PARN: variants seen among roughly 807,000 people sequenced by gnomAD.
PARN encodes poly(A)-specific ribonuclease.
A neutral mutation model predicts 102.8 loss-of-function variants in PARN; 71 were observed. The observed-to-expected ratio is 0.69, with a 90% CI of 0.57 to 0.84. The LOEUF is 0.84. PARN is among the 40% of genes least tolerant of loss of function. The pLI, the probability that PARN is intolerant of heterozygous loss-of-function variation, is 0.00. For synonymous variants in PARN, 261 were observed against 252.9 expected (o/e 1.03, Z -0.30); for missense variants, 782 against 760.9 (o/e 1.03, Z -0.33).
At chr16:14,569,807 A>G (rs1489332211) in intron 18 of PARN, among the ~76,000 whole-genome samples, 1 of 152,300 alleles carries the variant, frequency 6.6e-6, no homozygotes, top group East Asian at 1.9e-4. Context: ...TGCTGGTTAC[A>G]GAGTTTCTGT....
At chr16:14,603,900 C>G (rs1971023626) in intron 11 of PARN, among the ~76,000 whole-genome samples, 1 of 152,222 alleles carries the variant, frequency 6.6e-6, no homozygotes, top group Non-Finnish European at 1.5e-5. Flanking sequence ...ATCAAGAGTA[C>G]TTTCTTCAGG....
At chr16:14,533,162 A>G (rs1966443944) in intron 21 of PARN, among the ~76,000 whole-genome samples, 1 of 152,074 alleles carries the variant, frequency 6.6e-6, no homozygotes. Context: ...CCGGCACCTC[A>G]GGAGGCCGAG....
chr16:14,542,565 A>AAT (rs1966848177), intron 21 of PARN, among the ~76,000 whole-genome samples: 1 of 140,638 alleles, frequency 7.1e-6, no homozygotes, highest in Non-Finnish European at 1.6e-5. Context: ...ACTCAAAAAA[A>AAT]TTAAAAAAAA....
intron 18 of PARN, among the ~76,000 whole-genome samples, chr16:14,579,574 AAAT>A (rs1228746532): frequency 1.3e-5 from 2 of 152,218 alleles, no homozygotes; most frequent in African/African-American, 2.4e-5. Flanking sequence ...TGACTCAAAA[AAAT>A]AATAATAATA....
chr16:14,506,966 GA>G (rs34337638), intron 21 of PARN, among the ~76,000 whole-genome samples: 34,402 of 152,180 alleles, frequency 0.23, 4,067 homozygotes, highest in Middle Eastern at 0.28. Context: ...GAATGGTTTT[GA>G]AAAAGACTTA....
intron 18 of PARN, among the ~76,000 whole-genome samples, chr16:14,577,117 A>G (rs558911941): frequency 6.6e-6 from 1 of 152,386 alleles, no homozygotes; most frequent in Non-Finnish European, 1.5e-5. Context: ...TGGGCAGTTT[A>G]ATGTCCACCC....
At chr16:14,571,283 G>A (rs368888471) in intron 18 of PARN, among the ~76,000 whole-genome samples, 11 of 151,530 alleles carry the variant, frequency 7.3e-5, no homozygotes, top group South Asian at 2.1e-4. Flanking sequence ...ATCAGGAGGC[G>A]GAGGCAGAGA....
chr16:14,607,408 A>ATGT (rs1386464494), intron 9 of PARN, among the ~76,000 whole-genome samples: 1 of 151,800 alleles, frequency 6.6e-6, no homozygotes, highest in Non-Finnish European at 1.5e-5. Context: ...GGGTTTCACC[A>ATGT]TGTTGGCCAG....
rs1419925361 is a variant in PARN at position 14,629,375 on chromosome 16, CTCTA to C, written c.97+218_97+221del. Among the ~76,000 whole-genome samples the C allele has an allele frequency of 3.3e-5, 5 of 152,348 alleles. No homozygotes were observed. In the East Asian group the frequency reaches 5.8e-4, roughly 18 times the overall value. The stretch of plus-strand genomic sequence containing the variant: ...TTTTAAGCAGCATCAAAACCATCAT[CTCTA>C]TCTGAGATCCTGAGTCCAATCACAA... On this transcript the variant is annotated intron_variant, in intron 2 of 23. Transcript: ENST00000437198.
At chr16:14,463,391 A>G (rs1374231947) in intron 22 of PARN, among the ~76,000 whole-genome samples, 1 of 152,228 alleles carries the variant, frequency 6.6e-6, no homozygotes, top group Non-Finnish European at 1.5e-5. Context: ...TCCTTCCTGT[A>G]GGAGATAGCT....
intron 21 of PARN, among the ~76,000 whole-genome samples, chr16:14,534,000 C>T (rs1343778968): frequency 6.6e-6 from 1 of 152,032 alleles, no homozygotes; most frequent in Non-Finnish European, 1.5e-5. Flanking sequence ...GGCAGGCAAA[C>T]TGCTTGTGTC....
chr16:14,513,705 C>T (rs1228961492), intron 21 of PARN, among the ~76,000 whole-genome samples: 1 of 152,138 alleles, frequency 6.6e-6, no homozygotes, highest in Non-Finnish European at 1.5e-5. Context: ...TTAGAAAAGG[C>T]GCTTCATCAT....
rs557584022 is a variant in PARN, at chr16:14,477,366, G to A, written c.1670+5272C>T. On this transcript the variant is annotated intron_variant, in intron 22 of 23. Transcript: ENST00000437198. ...TGAGGCAGGAGAATCTCCTGAACCA[G>A]GGAGTTGGAGGTTACAGTGAGCCAA... 2.0e-5 allele frequency among the ~76,000 whole-genome samples: 3 copies of A among 151,892 alleles called. No homozygotes were observed. In the South Asian group the frequency reaches 6.3e-4, roughly 32 times the overall value.
At chr16:14,456,837 G>A (rs1035917221) in intron 22 of PARN, among the ~76,000 whole-genome samples, 5 of 152,214 alleles carry the variant, frequency 3.3e-5, no homozygotes, top group African/African-American at 1.2e-4. Flanking sequence ...CCACGGAGGA[G>A]CCGAAACAGC....
At chr16:14,463,876 A>C (rs1039107784) in intron 22 of PARN, among the ~76,000 whole-genome samples, 1 of 141,316 alleles carries the variant, frequency 7.1e-6, no homozygotes, top group Admixed American at 7.3e-5. Context: ...TCTGTCACCC[A>C]GGCTGGAGTG....
chr16:14,471,532 G>A (rs1050918675), intron 22 of PARN, among the ~76,000 whole-genome samples: 2 of 151,764 alleles, frequency 1.3e-5, no homozygotes, highest in Admixed American at 6.6e-5. Context: ...TTTAAATTGC[G>A]GTAAAGTACA....
In PARN at chr16:14,599,980, C is replaced by T; in HGVS notation, c.784-20G>A. On this transcript the variant is annotated intron_variant, in intron 11 of 23. Coordinates refer to ENST00000437198, the MANE Select transcript of PARN (RefSeq NM_002582.4). Reference sequence around the variant, plus strand: ...CTCCTCCTAATTAAAAAAATATATACATATGTATTATTGATGTATAAATAT... The same window carrying T: ...CTCCTCCTAATTAAAAAAATATATATATATGTATTATTGATGTATAAATAT... 1 of 1,390,456 alleles carries T rather than the reference C, an allele frequency of 7.2e-7. No homozygotes were observed. Among genetic ancestry groups the T allele is most frequent in the Non-Finnish European group, 1.0e-6 (1 of 996,820 alleles). The allele number at this position is 1,390,456 out of a possible 1,614,324, so 86.1% of individuals were successfully genotyped here.
chr16:14,524,822 T>C lies in PARN; in HGVS notation c.1480+27199A>G, dbSNP rs1474406464. ...TTCTATGTGTCTTTCCTTGTTCAGA[T>C]CCACTAAATCTTTCTATTACCAGGC... On this transcript the variant is annotated intron_variant, in intron 21 of 23. Transcript: ENST00000437198. Among the ~76,000 whole-genome samples the C allele has an allele frequency of 4.6e-5, 7 of 152,284 alleles. No homozygotes were observed. In the East Asian group the frequency reaches 1.2e-3, roughly 25 times the overall value.
At chr16:14,618,674 A>T (rs1229159826) in intron 5 of PARN, among the ~76,000 whole-genome samples, 1 of 151,542 alleles carries the variant, frequency 6.6e-6, no homozygotes, top group African/African-American at 2.4e-5. Flanking sequence ...AAAAAAAAAA[A>T]TATTCCACTG....
Sources: gnomAD v4.1 joint callset for allele counts (sites outside exome capture counted in the v4.1 genomes callset) on GRCh38, gnomAD v4.1.1 for gene constraint, MANE v1.5 for transcripts, NCBI Gene and HGNC (gene_info 2026-07-23, HGNC 2026-07-21) for gene names.